The following TIAM1 variants were observed in gnomAD, a reference collection of about 807,000 sequenced individuals.
TIAM1 encodes rho guanine nucleotide exchange factor TIAM1.
TIAM1 carries 65 observed loss-of-function variants against 163.5 expected under a neutral mutation model. The observed-to-expected ratio is 0.40, with a 90% CI of 0.33 to 0.49. The LOEUF is 0.49. TIAM1 is among the 20% of genes least tolerant of loss of function. The pLI is 0.77. For missense variants in TIAM1, 1,789 were observed against 2,044.7 expected, an observed-to-expected ratio of 0.87 and a Z score of 2.41; for synonymous variants, 833 against 810.1, an observed-to-expected ratio of 1.03 and a Z score of -0.48.
intron 3 of TIAM1, among the ~76,000 whole-genome samples, chr21:31,268,398 A>C (rs2072898162): frequency 6.6e-6 from 1 of 152,250 alleles, no homozygotes; most frequent in Non-Finnish European, 1.5e-5. Flanking sequence ...CTTCACATTG[A>C]TCCCAGACTT....
intron 13 of TIAM1, among the ~76,000 whole-genome samples, chr21:31,191,878 C>T (rs2146481186): frequency 6.6e-6 from 1 of 152,144 alleles, no homozygotes; most frequent in East Asian, 1.9e-4. Context: ...AAGCAGAGTC[C>T]AAGAGCTTTG....
chr21:31,361,875 A>AGATAGATG (rs2147136980), intron 2 of TIAM1, among the ~76,000 whole-genome samples: 1 of 149,340 alleles, frequency 6.7e-6, no homozygotes, highest in African/African-American at 2.4e-5. Flanking sequence ...ATAGATAGAT[A>AGATAGATG]GATAGACAGA....
At position 31,134,096 on chromosome 21, in the gene TIAM1, C is replaced by T. The variant is rs942439863; in HGVS notation, c.3883+1837G>A. Among the ~76,000 whole-genome samples, 14 of 152,006 alleles carry T rather than the reference C, an allele frequency of 9.2e-5. No homozygotes were observed. In the East Asian group the frequency reaches 2.1e-3, roughly 23 times the overall value. On this transcript the variant is annotated intron_variant, in intron 23 of 27. Transcript: ENST00000541036. ...GAAAAACCAAAAAAACAAAACAAAA[C>T]GAAACAGAAAAGAGTTTGCCAACCC...
chr21:31,402,415 C>T (rs1439824525), intron 2 of TIAM1, among the ~76,000 whole-genome samples: 1 of 152,040 alleles, frequency 6.6e-6, no homozygotes, highest in Non-Finnish European at 1.5e-5. Flanking sequence ...CAAAACCTTG[C>T]AGAGAAAAGC....
intron 2 of TIAM1, among the ~76,000 whole-genome samples, chr21:31,311,167 G>A (rs1343101554): frequency 9.8e-6 from 1 of 101,772 alleles, no homozygotes; most frequent in African/African-American, 4.8e-5. Context: ...TTGTTTGTTT[G>A]TTTTGTTTTT....
At chr21:31,188,788 G>T (rs1488976991) in intron 13 of TIAM1, among the ~76,000 whole-genome samples, 1 of 152,002 alleles carries the variant, frequency 6.6e-6, no homozygotes, top group Admixed American at 6.6e-5. Context: ...TGCCCAGGCT[G>T]GTCTCAAACT....
chr21:31,447,147 G>A (rs2044655727), intron 2 of TIAM1, among the ~76,000 whole-genome samples: 2 of 152,176 alleles, frequency 1.3e-5, no homozygotes, highest in African/African-American at 4.8e-5. Flanking sequence ...CCAGCACTCT[G>A]GGAGGCTGAG....
chr21:31,233,734 T>TC, intron 6 of TIAM1, among the ~76,000 whole-genome samples: 1 of 152,142 alleles, frequency 6.6e-6, no homozygotes, highest in Non-Finnish European at 1.5e-5. Context: ...ATTTGAGGTT[T>TC]CCCTCCCCCA....
chr21:31,324,346 CTG>C (rs1415742283), intron 2 of TIAM1, among the ~76,000 whole-genome samples: 1 of 152,034 alleles, frequency 6.6e-6, no homozygotes, highest in Non-Finnish European at 1.5e-5. Flanking sequence ...GAGAGAAACT[CTG>C]TCTCAAAAAA....
At chr21:31,442,710 C>A (rs541870654) in intron 2 of TIAM1, among the ~76,000 whole-genome samples, 4 of 152,064 alleles carry the variant, frequency 2.6e-5, no homozygotes, top group Non-Finnish European at 5.9e-5. Context: ...AATGGATAAG[C>A]CAAAGAGAGG....
At chr21:31,124,228 T>C (rs117890046) in intron 27 of TIAM1, 4,242 of 309,332 alleles carry the variant, frequency 0.014, 48 homozygotes, top group Non-Finnish European at 0.017. Flanking sequence ...AGAAAGAGGA[T>C]GTGTCTGCAA....
chr21:31,485,688 G>A (rs889688565), intron 1 of TIAM1, among the ~76,000 whole-genome samples: 5 of 152,058 alleles, frequency 3.3e-5, no homozygotes, highest in African/African-American at 4.8e-5. Flanking sequence ...GGGCTTGTAC[G>A]GCTTGTGTCC....
chr21:31,182,355 G>A, intron 15 of TIAM1, 66 bp downstream of exon 15: 2 of 1,370,182 alleles, frequency 1.5e-6, no homozygotes, highest in Non-Finnish European at 1.9e-6. Flanking sequence ...CAAGCCGCAT[G>A]ATAAACTCCC....
intron 2 of TIAM1, among the ~76,000 whole-genome samples, chr21:31,383,177 T>C (rs903415930): frequency 2.0e-5 from 3 of 151,772 alleles, no homozygotes; most frequent in Non-Finnish European, 4.4e-5. Context: ...CAGGCAGAGG[T>C]TGCAGTGAGC....
chr21:31,337,566 C>A (rs556595354), intron 2 of TIAM1, among the ~76,000 whole-genome samples: 279 of 135,048 alleles, frequency 2.1e-3, no homozygotes, highest in African/African-American at 7.8e-3. Flanking sequence ...GAGTCTTGCT[C>A]TATTGCCCAG....
chr21:31,517,884 C>G (rs761325984), intron 1 of TIAM1, among the ~76,000 whole-genome samples: 11 of 152,186 alleles, frequency 7.2e-5, no homozygotes, highest in Non-Finnish European at 1.2e-4. Context: ...AGTCACTCCT[C>G]CATGATCAAC....
intron 5 of TIAM1, among the ~76,000 whole-genome samples, chr21:31,249,010 T>C (rs912134653): frequency 6.6e-6 from 1 of 152,154 alleles, no homozygotes; most frequent in East Asian, 1.9e-4. Context: ...GCCACTAACA[T>C]TGCTGCTCTC....
At chr21:31,283,072 G>GAA (rs1462262785) in intron 2 of TIAM1, among the ~76,000 whole-genome samples, 1 of 152,198 alleles carries the variant, frequency 6.6e-6, no homozygotes, top group Non-Finnish European at 1.5e-5. Context: ...ATATTTCTTA[G>GAA]AAGTAAAGTC....
At chr21:31,305,936 A>G (rs569481275) in intron 2 of TIAM1, among the ~76,000 whole-genome samples, 1 of 152,340 alleles carries the variant, frequency 6.6e-6, no homozygotes, top group Non-Finnish European at 1.5e-5. Flanking sequence ...AGAAGCCCCA[A>G]AGGGCAAGTC....
Sources: allele counts gnomAD v4.1 joint callset (sites outside exome capture counted in the v4.1 genomes callset), GRCh38; gene constraint gnomAD v4.1.1; transcripts MANE v1.5; gene names NCBI Gene and HGNC (gene_info 2026-07-23, HGNC 2026-07-21).